The following ANXA4 variants were observed in gnomAD, a reference collection of about 807,000 sequenced individuals.
ANXA4 encodes 35-beta calcimedin.
Under a neutral mutation model 49.8 loss-of-function variants are expected in ANXA4, and 39 were observed. That is an observed-to-expected ratio of 0.78 (90% CI 0.61 to 1.02). The LOEUF is 1.02. Ranked by LOEUF, ANXA4 falls within the 50% of genes least tolerant of loss-of-function variation. The probability of loss-of-function intolerance (pLI) is 0.00; values close to 1 mark genes in which losing one functional copy is unlikely to be tolerated. For missense variants in ANXA4, 360 were observed against 410.1 expected, an observed-to-expected ratio of 0.88 and a Z score of 1.05; for synonymous variants, 134 against 152.5, an observed-to-expected ratio of 0.88 and a Z score of 0.89.
At position 69,651,820 on chromosome 2, in the gene ANXA4, G is replaced by GTTTTT. The variant is rs1559040513; in HGVS notation, n.482-1178_482-1177insTTTTT. On this transcript the variant is annotated intron_variant and non_coding_transcript_variant, in intron 1 of 3. Transcript: ENST00000418066. The stretch of plus-strand genomic sequence containing the variant: ...CCCGGCTTTTTTTTTTTTTTTTTGG[G>GTTTTT]GGGGGGGGGCGGGGAGACAGAGTCT... Among the ~76,000 whole-genome samples, 40 of 39,260 alleles carry GTTTTT rather than the reference G, an allele frequency of 1.0e-3. 1 individual carries two copies. The highest frequency in any genetic ancestry group is 4.3e-3 in the African/African-American group (40 of 9,332). 25.8% of individuals were successfully genotyped at this position (39,260 alleles called of 152,430 possible).
chr2:69,719,447 TA>T (rs1188735264), intron 2 of ANXA4, among the ~76,000 whole-genome samples: 7 of 150,482 alleles, frequency 4.7e-5, no homozygotes, highest in African/African-American at 7.3e-5. Context: ...AAATTATTAT[TA>T]TTTTTTTTTG....
intron 2 of ANXA4, among the ~76,000 whole-genome samples, chr2:69,695,626 C>G (rs1341684911): frequency 1.3e-5 from 2 of 152,204 alleles, no homozygotes; most frequent in South Asian, 2.1e-4. Context: ...TTGGGAGAAG[C>G]CTTTCCAACA....
intron 1 of ANXA4, among the ~76,000 whole-genome samples, chr2:69,646,164 T>G (rs901528275): frequency 6.6e-6 from 1 of 152,206 alleles, no homozygotes. Flanking sequence ...GGGCTTATTA[T>G]CTCAGCTATA....
upstream of ANXA4, among the ~76,000 whole-genome samples, chr2:69,737,198 G>A (rs527408431): frequency 6.6e-6 from 1 of 152,180 alleles, no homozygotes; most frequent in Non-Finnish European, 1.5e-5. Flanking sequence ...GATCCTTTAT[G>A]TGAAACCTTA....
chr2:69,774,442 G>A lies in ANXA4; in HGVS notation c.-46-7078G>A, dbSNP rs1329905029. Among the ~76,000 whole-genome samples, 7 of 146,806 alleles carry A rather than the reference G, an allele frequency of 4.8e-5. No homozygotes were observed. The Admixed American group carries it at 4.9e-4, about 10-fold the overall frequency. ...CAACCTCCGCCTCCCAGGTTCAAGT[G>A]ATTCTTCTGCCTCAGCCTTCCGAGT... On this transcript the variant is annotated intron_variant, in intron 1 of 12. Transcript: ENST00000394295.
intron 1 of ANXA4, among the ~76,000 whole-genome samples, chr2:69,647,700 C>T (rs1339714921): frequency 4.7e-5 from 7 of 149,810 alleles, no homozygotes; most frequent in East Asian, 2.0e-4. Flanking sequence ...TGAGCCACCA[C>T]GCCCAGCCAC....
At chr2:69,739,581 T>C (rs1670332140), upstream of ANXA4, among the ~76,000 whole-genome samples, 5 of 151,774 alleles carry the variant, frequency 3.3e-5, no homozygotes, top group South Asian at 1.0e-3. Flanking sequence ...AATTTTTTTT[T>C]TTTTTTTAAA....
chr2:69,814,709 C>T (rs1377488934), intron 8 of ANXA4: 3 of 148,644 alleles, frequency 2.0e-5, no homozygotes, highest in Non-Finnish European at 4.4e-5. Flanking sequence ...AGGAACAGAA[C>T]CAATAGAGAG....
rs138317989 is a variant in ANXA4, at chr2:69,731,134, G to A, written n.864+10263G>A. Among the ~76,000 whole-genome samples the A allele has an allele frequency of 1.7e-3, 264 of 152,298 alleles. 1 individual carries two copies. The highest frequency in any genetic ancestry group is 6.1e-3 in the African/African-American group (255 of 41,552). ...CCAGGATGCAGAAGGTAACAACATAGGGCCTGGTTCCATCCCACTCAATGT... is the reference window on the plus strand; with the variant it reads ...CCAGGATGCAGAAGGTAACAACATAAGGCCTGGTTCCATCCCACTCAATGT... On this transcript the variant is annotated intron_variant and non_coding_transcript_variant, in intron 3 of 3. Coordinates refer to the ANXA4 transcript ENST00000418066.
chr2:69,777,134 G>A (rs181229587), intron 1 of ANXA4, among the ~76,000 whole-genome samples: 1 of 152,258 alleles, frequency 6.6e-6, no homozygotes, highest in East Asian at 1.9e-4. Context: ...AGCTTCCACG[G>A]CCTCTCCAGG....
At chr2:69,824,394 G>A (rs1240040240) in intron 12 of ANXA4, among the ~76,000 whole-genome samples, 1 of 151,536 alleles carries the variant, frequency 6.6e-6, no homozygotes, top group African/African-American at 2.4e-5. Context: ...TGCCAGCTAC[G>A]CAGGCAGCTG....
At position 69,656,311 on chromosome 2, in the gene ANXA4, ATGTATATATATGTATATATATG is replaced by A. The variant is rs1559046179; in HGVS notation, n.766+3043_766+3064del. On this transcript the variant is annotated intron_variant and non_coding_transcript_variant, in intron 2 of 3. Transcript: ENST00000418066. Reference sequence around the variant, plus strand: ...TACATATATGTATATATATGTATATATGTATATATATGTATATATATGTGTATATATATGTGTATATATGTGT... The same window carrying A: ...TACATATATGTATATATATGTATATATGTATATATATGTGTATATATGTGT... Among the ~76,000 whole-genome samples the A allele has an allele frequency of 2.1e-3, 171 of 81,546 alleles. 5 individuals are homozygous for A. The highest frequency in any genetic ancestry group is 2.0e-3 in the South Asian group (4 of 1,990). The allele number at this position is 81,546 out of a possible 152,430, so 53.5% of individuals were successfully genotyped here. A position where few individuals can be genotyped will look rare whatever the true frequency, so the allele number is the denominator to read the frequency against.
intron 1 of ANXA4, chr2:69,644,965 G>GTTAC (rs1338591668): frequency 1.3e-5 from 2 of 152,096 alleles, no homozygotes; most frequent in Non-Finnish European, 2.9e-5. Context: ...AGAGTGGCAA[G>GTTAC]TTGCTGCCAA....
At chr2:69,745,382 C>T (rs1016896087) in intron 1 of ANXA4, among the ~76,000 whole-genome samples, 1 of 152,132 alleles carries the variant, frequency 6.6e-6, no homozygotes, top group African/African-American at 2.4e-5. Context: ...AGATTAAGCT[C>T]AGTTAACTTC....
intron 1 of ANXA4, among the ~76,000 whole-genome samples, chr2:69,757,302 G>A (rs1270421296): frequency 1.8e-5 from 2 of 110,356 alleles, no homozygotes; most frequent in African/African-American, 6.8e-5. Flanking sequence ...GTGGAGTCTC[G>A]CTGTGTTGCC....
In ANXA4 at chr2:69,825,618, A is replaced by G; in HGVS notation, c.*103A>G. 6 of 843,304 alleles carry G rather than the reference A, an allele frequency of 7.1e-6. No individual in the cohort carries two copies. Among genetic ancestry groups the G allele is most frequent in the South Asian group, 1.7e-5 (1 of 57,172 alleles). The allele number at this position is 843,304 out of a possible 1,614,324, so 52.2% of individuals were successfully genotyped here. A position where few individuals can be genotyped will look rare whatever the true frequency, so the allele number is the denominator to read the frequency against. On this transcript the variant is annotated 3_prime_UTR_variant, in exon 13 of 13. Transcript: ENST00000394295. ...CATTATCTCAGAATGCTTATTTCCA[A>G]TTAAAACGCCTACAGCTGCCTCCTA...
intron 1 of ANXA4, among the ~76,000 whole-genome samples, chr2:69,750,275 T>C (rs1001878024): frequency 6.6e-6 from 1 of 152,232 alleles, no homozygotes; most frequent in African/African-American, 2.4e-5. Flanking sequence ...AGGACTAGCA[T>C]GCAAGTATCC....
At chr2:69,788,291 G>C in intron 3 of ANXA4, 150 bp downstream of exon 3, 1 of 688,186 alleles carries the variant, frequency 1.5e-6, no homozygotes. Flanking sequence ...TGTCATCTCA[G>C]CACTTTGGGA....
chr2:69,712,897 C>T (rs1678720067), intron 2 of ANXA4, among the ~76,000 whole-genome samples: 1 of 152,200 alleles, frequency 6.6e-6, no homozygotes, highest in Non-Finnish European at 1.5e-5. Flanking sequence ...TACCACCATT[C>T]ATTCATTGCA....
Sources: allele counts gnomAD v4.1 joint callset (sites outside exome capture counted in the v4.1 genomes callset), GRCh38; gene constraint gnomAD v4.1.1; transcripts MANE v1.5; gene names NCBI Gene and HGNC (gene_info 2026-07-23, HGNC 2026-07-21).